ARID1B: variants seen among roughly 807,000 people sequenced by gnomAD.
ARID1B encodes the protein AT-rich interactive domain-containing protein 1B.
A neutral mutation model predicts 212.3 loss-of-function variants in ARID1B; 30 were observed. The ratio of observed to expected loss-of-function variants is 0.14; its 90% CI spans 0.11 to 0.19. The LOEUF (loss-of-function observed/expected upper bound fraction) is 0.19. Ranked by LOEUF, ARID1B falls within the 10% of genes least tolerant of loss-of-function variation. ARID1B has a pLI of 1.00. For missense variants in ARID1B, 2,891 were observed against 3,204.0 expected, an observed-to-expected ratio of 0.90 and a Z score of 2.36; for synonymous variants, 1,402 against 1,301.7, an observed-to-expected ratio of 1.08 and a Z score of -1.66.
chr6:156,857,476 C>T (rs1785030974), intron 2 of ARID1B, among the ~76,000 whole-genome samples: 1 of 152,030 alleles, frequency 6.6e-6, no homozygotes, highest in Non-Finnish European at 1.5e-5. Context: ...TTTCAAGAAG[C>T]CCTCTTGCTC....
In ARID1B at chr6:156,993,090, T is replaced by G. The variant is rs58057253; in HGVS notation, c.2247+57514T>G. ...ATGGAGTCTCTCTCTGTGGCCAGGCTGGAGTACAGTGGCATGATCTCGGCT... is the reference window on the plus strand; with the variant it reads ...ATGGAGTCTCTCTCTGTGGCCAGGCGGGAGTACAGTGGCATGATCTCGGCT... On this transcript the variant is annotated intron_variant, in intron 4 of 19. Coordinates refer to ENST00000636930, the MANE Select transcript of ARID1B (RefSeq NM_001374828.1). Among the ~76,000 whole-genome samples the G allele has an allele frequency of 9.6e-3, 1,444 of 150,328 alleles. 35 individuals carry two copies. The highest frequency in any genetic ancestry group is 0.033 in the African/African-American group (1,342 of 40,742).
At chr6:157,158,605 C>G (rs1347654537) in intron 8 of ARID1B, among the ~76,000 whole-genome samples, 1 of 152,188 alleles carries the variant, frequency 6.6e-6, no homozygotes, top group Non-Finnish European at 1.5e-5. Context: ...CTGATAAGCT[C>G]TCTGTGTCTG....
intron 8 of ARID1B, among the ~76,000 whole-genome samples, chr6:157,153,510 T>C (rs186746724): frequency 4.6e-5 from 7 of 152,342 alleles, no homozygotes; most frequent in Non-Finnish European, 7.3e-5. Flanking sequence ...AAAAGCCTAC[T>C]TCAGGAATGG....
At chr6:157,132,005 A>G (rs1410603803) in intron 6 of ARID1B, among the ~76,000 whole-genome samples, 1 of 152,178 alleles carries the variant, frequency 6.6e-6, no homozygotes, top group Non-Finnish European at 1.5e-5. Context: ...GATGAGTTTT[A>G]TGCAGGGGAG....
intron 10 of ARID1B, 97 bp from the exon 11 acceptor site, chr6:157,174,750 A>T (rs547466801): frequency 3.9e-5 from 18 of 464,680 alleles, no homozygotes; most frequent in Admixed American, 1.4e-4. Flanking sequence ...AATATATATA[A>T]AAAAATTAGT....
chr6:157,186,909 C>T (rs560473258), intron 13 of ARID1B, among the ~76,000 whole-genome samples: 1 of 152,320 alleles, frequency 6.6e-6, no homozygotes, highest in African/African-American at 2.4e-5. Flanking sequence ...TAATACAGCT[C>T]TAGGCTTCAA....
At chr6:156,806,239 T>G (rs898510272) in intron 1 of ARID1B, among the ~76,000 whole-genome samples, 3 of 152,176 alleles carry the variant, frequency 2.0e-5, no homozygotes, top group African/African-American at 7.2e-5. Flanking sequence ...TTCAACAAAC[T>G]TTTAAAGGTT....
At chr6:157,020,644 G>T (rs1454111499) in intron 4 of ARID1B, among the ~76,000 whole-genome samples, 2 of 152,102 alleles carry the variant, frequency 1.3e-5, no homozygotes, top group East Asian at 3.8e-4. Flanking sequence ...CTCAGATCGC[G>T]AGTCAAAATA....
chr6:156,795,755 T>G (rs1248787374), intron 1 of ARID1B, among the ~76,000 whole-genome samples: 1 of 152,176 alleles, frequency 6.6e-6, no homozygotes, highest in Non-Finnish European at 1.5e-5. Context: ...CTCTGCGCCC[T>G]TCCTTCTCTT....
intron 3 of ARID1B, among the ~76,000 whole-genome samples, chr6:156,905,822 C>CT (rs1200194873): frequency 6.6e-6 from 1 of 151,846 alleles, no homozygotes; most frequent in Non-Finnish European, 1.5e-5. Flanking sequence ...TAAACTTTTT[C>CT]TTTTTTTATC....
chr6:157,011,827 C>G (rs1425338501), intron 4 of ARID1B, among the ~76,000 whole-genome samples: 1 of 152,156 alleles, frequency 6.6e-6, no homozygotes, highest in African/African-American at 2.4e-5. Context: ...AGTTATTTCT[C>G]AGAATTTATG....
intron 4 of ARID1B, among the ~76,000 whole-genome samples, chr6:156,963,309 C>A (rs1045885541): frequency 2.0e-5 from 3 of 152,150 alleles, no homozygotes; most frequent in African/African-American, 7.2e-5. Flanking sequence ...ATCCTAATCA[C>A]ATAGTTAATA....
chr6:156,791,936 T>C (rs989197364), intron 1 of ARID1B, among the ~76,000 whole-genome samples: 1 of 152,344 alleles, frequency 6.6e-6, no homozygotes, highest in Middle Eastern at 3.4e-3. Context: ...CTTTGAATTT[T>C]TGTTTATTTC....
intron 15 of ARID1B, among the ~76,000 whole-genome samples, chr6:157,193,147 A>G (rs529842541): frequency 8.5e-5 from 13 of 152,176 alleles, no homozygotes; most frequent in Non-Finnish European, 1.9e-4. Flanking sequence ...ACAGAATAGT[A>G]TATATCGAAT....
At chr6:156,966,474 A>C (rs1373391501) in intron 4 of ARID1B, among the ~76,000 whole-genome samples, 4 of 136,354 alleles carry the variant, frequency 2.9e-5, no homozygotes, top group African/African-American at 1.1e-4. Context: ...GCTCACTGCA[A>C]CCTCCGCCTC....
At chr6:156,784,357 A>T (rs1265828858) in intron 1 of ARID1B, among the ~76,000 whole-genome samples, 1 of 152,216 alleles carries the variant, frequency 6.6e-6, no homozygotes, top group African/African-American at 2.4e-5. Context: ...TGTATCATAG[A>T]TGTAGAACTA....
Position 156,969,036 on chromosome 6 carries a change from A to T in ARID1B, c.2247+33460A>T, listed in dbSNP as rs369480584. ...TTGAAAAGGATGGCTCACTTCCAGT[A>T]CAATGGGTTCTGTTCATGGGTTGAA... On this transcript the variant is annotated intron_variant, in intron 4 of 19. Transcript: ENST00000636930. Among the ~76,000 whole-genome samples, 91 of 152,356 alleles carry T rather than the reference A, an allele frequency of 6.0e-4. 1 individual carries two copies. The South Asian group carries it at 0.015, about 25-fold the overall frequency.
intron 4 of ARID1B, among the ~76,000 whole-genome samples, chr6:157,059,031 T>C (rs1480394010): frequency 6.6e-6 from 1 of 151,774 alleles, no homozygotes; most frequent in Admixed American, 6.6e-5. Context: ...AGATGAGTTA[T>C]AGCCAAAGGT....
chr6:156,795,987 G>A (rs1780347674), intron 1 of ARID1B, among the ~76,000 whole-genome samples: 1 of 152,050 alleles, frequency 6.6e-6, no homozygotes, highest in Admixed American at 6.6e-5. Flanking sequence ...GCTCGGCACT[G>A]CTCTGCTCAT....
Sources: allele counts gnomAD v4.1 joint callset (sites outside exome capture counted in the v4.1 genomes callset), GRCh38; gene constraint gnomAD v4.1.1; transcripts MANE v1.5; gene names NCBI Gene and HGNC (gene_info 2026-07-23, HGNC 2026-07-21).